DACT2: variants seen among roughly 807,000 people sequenced by gnomAD.
DACT2 encodes dishevelled binding antagonist of beta catenin 2, also known as dapper homolog 2.
A neutral mutation model predicts 22.2 loss-of-function variants in DACT2; 20 were observed. The observed-to-expected ratio is 0.90, with a 90% CI of 0.63 to 1.31. The LOEUF (loss-of-function observed/expected upper bound fraction) is 1.31. DACT2 is among the 50% of genes most tolerant of loss of function. The pLI, the probability that DACT2 is intolerant of heterozygous loss-of-function variation, is 0.00. For missense variants in DACT2, 1,048 were observed against 1,061.4 expected (o/e 0.99, Z 0.18); for synonymous variants, 463 against 479.8 (o/e 0.96, Z 0.46).
In DACT2 at chr6:168,307,524, G is replaced by A; in HGVS notation, c.2233C>T (p.Pro745Ser). ...VSSGPLLSPV[P>S]KLCRIKASKA... ...GAGGCCTTAATACGGCACAGCTTGG[G>A]CACGGGGGACAGGAGTGGCCCCGAG... The change falls in exon 4 of 4, where the codon CCC becomes TCC. Residue 745 changes from proline to serine, a missense_variant. Pro to Ser is a moderately conservative substitution (Grantham distance 74). Transcript: ENST00000366795. The surrounding 1 kb of genome is among the most constrained non-coding windows in gnomAD (Gnocchi z 5.3). 8 of 1,551,544 alleles carry A rather than the reference G, an allele frequency of 5.2e-6. No individual in the cohort carries two copies. Among genetic ancestry groups the A allele is most frequent in the Non-Finnish European group, 7.0e-6 (8 of 1,146,962 alleles).
chr6:168,310,296 CG>C lies in DACT2; in HGVS notation c.529del (p.Arg177GlyfsTer115), dbSNP rs1779364304. The part of the protein sequence containing the change: ...ARPSMGDWRP[R>X]SVDETTVPAW... ...TGGCACAGTAGTCTCATCAACCGAC[CG>C]GGGCCTCCAGTCCCCCATGCTGGGC... On this transcript the variant is annotated frameshift_variant, in exon 3 of 4. Coordinates refer to ENST00000366795, the MANE Select transcript of DACT2 (RefSeq NM_214462.5). LOFTEE classifies it high-confidence loss of function. The C allele has an allele frequency of 1.9e-6, 3 of 1,551,492 alleles. No homozygotes were observed. The highest frequency in any genetic ancestry group is 2.6e-6 in the Non-Finnish European group (3 of 1,146,996).
At chr6:168,318,429 C>G (rs1416954647) in intron 1 of DACT2, among the ~76,000 whole-genome samples, 1 of 152,244 alleles carries the variant, frequency 6.6e-6, no homozygotes, top group Non-Finnish European at 1.5e-5. Context: ...GCGAGCGAGG[C>G]AGACGGTCAT....
At position 168,311,225 on chromosome 6, in the gene DACT2, C is replaced by G; in HGVS notation, c.306G>C (p.Gln102His). 6.4e-7 allele frequency: 1 copy of G among 1,551,036 alleles called. No individual in the cohort carries two copies. Among genetic ancestry groups the G allele is most frequent in the Non-Finnish European group, 8.7e-7 (1 of 1,146,376 alleles). ...CCACATCCAGCTGCAGCTTGCTAAT[C>G]TGCAGGTCCAGCTGGTCCAGGTGGG... is the stretch of plus-strand genomic sequence containing the variant. ...LKTHLDQLDL[Q>H]ISKLQLDVGT... Residue 102 changes from glutamine (Q) to histidine (H), a missense_variant, in exon 2 of 4, where the codon CAG becomes CAC. Physicochemically the swap from Gln to His is conservative, Grantham distance 24 (BLOSUM62 0). Coordinates refer to ENST00000366795, the MANE Select transcript of DACT2 (RefSeq NM_214462.5).
chr6:168,294,005 G>C (rs924509154), intron 5 of DACT2: 1 of 703,142 alleles, frequency 1.4e-6, no homozygotes, highest in Admixed American at 2.0e-5. Flanking sequence ...CATCCAACAC[G>C]CACGTCTGCT....
downstream of DACT2, among the ~76,000 whole-genome samples, chr6:168,304,313 G>T (rs747822586): frequency 2.6e-5 from 4 of 152,198 alleles, no homozygotes; most frequent in Non-Finnish European, 5.9e-5. Flanking sequence ...TCACCACAGG[G>T]CATCTCCATC....
chr6:168,293,007 A>G (rs1344630852), exon 6 of DACT2: 1 of 152,156 alleles, frequency 6.6e-6, no homozygotes, highest in Non-Finnish European at 1.5e-5. Context: ...TTACAACCTA[A>G]TTCTGGCAGT....
intron 3 of DACT2, among the ~76,000 whole-genome samples, chr6:168,295,441 A>C (rs1346537399): frequency 6.6e-6 from 1 of 152,198 alleles, no homozygotes; most frequent in Non-Finnish European, 1.5e-5. Context: ...AGGGTTTAAT[A>C]AGGCTGCAGG....
Position 168,307,881 on chromosome 6 carries a change from C to T in DACT2, c.1876G>A (p.Glu626Lys), listed in dbSNP as rs1779259494. Residue 626 changes from glutamate to lysine, a missense_variant, in exon 4 of 4, where the codon GAG becomes AAG. Coordinates refer to ENST00000366795, the MANE Select transcript of DACT2 (RefSeq NM_214462.5). This position sits in a 1 kb window ranked among gnomAD's most constrained non-coding sequence, Gnocchi z 5.3. ...GGCCTGGGGGGCCCCAGGTTAGACT[C>T]AGGACAGCTGGCCAGGCGGGCCCGG... ...SARARLASCP[E>K]SNLGPPRPVA... is the part of the protein sequence containing the mutation. 5 of 1,540,108 alleles carry T rather than the reference C, an allele frequency of 3.2e-6. No individual in the cohort carries two copies. Among genetic ancestry groups the T allele is most frequent in the Non-Finnish European group, 4.4e-6 (5 of 1,146,332 alleles).
intron 1 of DACT2, among the ~76,000 whole-genome samples, chr6:168,318,637 C>G (rs1779570709): frequency 2.0e-5 from 3 of 152,068 alleles, no homozygotes; most frequent in Admixed American, 6.5e-5. Context: ...GTAAGTTTAA[C>G]AAAATCATAC....
Position 168,311,509 on chromosome 6 carries a change from TACAC to T in DACT2, c.247-229_247-226del, listed in dbSNP as rs748055652. 1.5e-3 allele frequency among the ~76,000 whole-genome samples: 171 copies of T among 116,194 alleles called. 1 individual carries two copies. Among genetic ancestry groups the T allele is most frequent in the African/African-American group, 7.6e-3 (167 of 22,090 alleles). The allele number at this position is 116,194 out of a possible 152,430, so 76.2% of individuals were successfully genotyped here. On this transcript the variant is annotated intron_variant, in intron 1 of 3. Coordinates refer to ENST00000366795, the MANE Select transcript of DACT2 (RefSeq NM_214462.5). ...TGACACCCATCGCCCCCCACACACA[TACAC>T]ACACACAAACACACACACACACCCA...
chr6:168,307,589 C>T lies in DACT2; in HGVS notation c.2168G>A (p.Gly723Glu), dbSNP rs1451950297. 2 of 1,549,812 alleles carry T rather than the reference C, an allele frequency of 1.3e-6. No homozygotes were observed. Among genetic ancestry groups the T allele is most frequent in the Non-Finnish European group, 1.7e-6 (2 of 1,146,228 alleles). ...CTGGGTCCAGGCCAGCTCCGCATGC[C>T]CGGCCGCCACATAGCCCAGTGCCAG... ...CDLALGYVAA[G>E]HAELAWTQEA... is the part of the protein sequence containing the mutation. The change falls in exon 4 of 4, where the codon GGG (glycine) becomes GAG (glutamate). Residue 723 changes from glycine (G) to glutamate (E), a missense_variant. Transcript: ENST00000366795. The surrounding 1 kb of genome is among the most constrained non-coding windows in gnomAD (Gnocchi z 5.3).
In DACT2 at chr6:168,311,217, T is replaced by G; in HGVS notation, c.314A>C (p.Lys105Thr). Residue 105 changes from lysine (K) to threonine (T), a missense_variant, in exon 2 of 4, where the codon AAG becomes ACG. Coordinates refer to ENST00000366795, the MANE Select transcript of DACT2 (RefSeq NM_214462.5). ...GGCTGTGCCCACATCCAGCTGCAGC[T>G]TGCTAATCTGCAGGTCCAGCTGGTC... ...HLDQLDLQIS[K>T]LQLDVGTASG... 6.4e-7 allele frequency: 1 copy of G among 1,550,560 alleles called. No individual in the cohort carries two copies. Among genetic ancestry groups the G allele is most frequent in the Non-Finnish European group, 8.7e-7 (1 of 1,146,076 alleles).
At chr6:168,313,581 C>A in intron 1 of DACT2, among the ~76,000 whole-genome samples, 1 of 152,180 alleles carries the variant, frequency 6.6e-6, no homozygotes, top group East Asian at 1.9e-4. Flanking sequence ...TGGATCCAAA[C>A]AAAGGGGCTG....
At position 168,308,531 on chromosome 6, in the gene DACT2, A is replaced by T. The variant is rs1195071058; in HGVS notation, c.1226T>A (p.Met409Lys). The T allele has an allele frequency of 1.9e-6, 3 of 1,550,704 alleles. No homozygotes were observed. The Admixed American group carries it at 5.9e-5, about 30-fold the overall frequency. Residue 409 changes from methionine (M) to lysine (K), a missense_variant, in exon 4 of 4, where the codon ATG becomes AAG. Transcript: ENST00000366795. ...GRGGPQQQGYMPLEGPQQSGS... is the reference protein window; with the variant it reads ...GRGGPQQQGYKPLEGPQQSGS... ...AGACTGCTGGGGACCCTCAAGGGGCATGTATCCCTGCTGCTGGGGCCCGCC... is the reference window on the plus strand; with the variant it reads ...AGACTGCTGGGGACCCTCAAGGGGCTTGTATCCCTGCTGCTGGGGCCCGCC...
downstream of DACT2, among the ~76,000 whole-genome samples, chr6:168,305,238 C>T (rs1779180951): frequency 6.6e-6 from 1 of 152,182 alleles, no homozygotes; most frequent in Admixed American, 6.5e-5. Context: ...GCATGGTTCT[C>T]CTGGTCAGCT....
chr6:168,308,415 G>C lies in DACT2; in HGVS notation c.1342C>G (p.Gln448Glu). 1 of 1,551,816 alleles carries C rather than the reference G, an allele frequency of 6.4e-7. No individual in the cohort carries two copies. Among genetic ancestry groups the C allele is most frequent in the Non-Finnish European group, 8.7e-7 (1 of 1,147,012 alleles). Residue 448 changes from glutamine to glutamate, a missense_variant, in exon 4 of 4, where the codon CAG (glutamine) becomes GAG (glutamate). Gln to Glu is a conservative substitution (Grantham distance 29). Coordinates refer to ENST00000366795, the MANE Select transcript of DACT2 (RefSeq NM_214462.5). Reference protein sequence around the residue: ...VQASPSSKAQQTPSAQDYGRG... With the variant: ...VQASPSSKAQETPSAQDYGRG... ...CCATAGTCCTGAGCTGAGGGTGTCT[G>C]CTGGGCCTTTGAGCTGGGAGAAGCC...
downstream of DACT2, among the ~76,000 whole-genome samples, chr6:168,304,169 C>G (rs1418817800): frequency 1.3e-5 from 2 of 152,238 alleles, no homozygotes; most frequent in African/African-American, 4.8e-5. Context: ...ATCAATCACA[C>G]CCCCTCAAAT....
At position 168,306,923 on chromosome 6, in the gene DACT2, T is replaced by A. The variant is rs530042733; in HGVS notation, c.*509A>T. 2.0e-6 allele frequency: 2 copies of A among 989,918 alleles called. No homozygotes were observed. Among genetic ancestry groups the A allele is most frequent in the Non-Finnish European group, 2.4e-6 (2 of 832,566 alleles). 61.3% of individuals were successfully genotyped at this position (989,918 alleles called of 1,614,324 possible). On this transcript the variant is annotated 3_prime_UTR_variant, in exon 4 of 4. Coordinates refer to ENST00000366795, the MANE Select transcript of DACT2 (RefSeq NM_214462.5). ...AAGAGGTTAAAAGAGGGAAAAAAAA[T>A]GTTCCTTTTATTTGAGATCATGGCA... is the stretch of plus-strand genomic sequence containing the variant.
chr6:168,300,972 T>A (rs1167430361), intron 3 of DACT2, among the ~76,000 whole-genome samples: 1 of 151,684 alleles, frequency 6.6e-6, no homozygotes, highest in Non-Finnish European at 1.5e-5. Context: ...GGCGACAGAT[T>A]GACTCTGTCT....
Sources: gnomAD v4.1 joint callset for allele counts (sites outside exome capture counted in the v4.1 genomes callset) on GRCh38, gnomAD v4.1.1 for gene constraint, Gnocchi (gnomAD v3.1) non-coding constraint, MANE v1.5 for transcripts, NCBI Gene and HGNC (gene_info 2026-07-23, HGNC 2026-07-21) for gene names.